MGAT4A: variants seen among roughly 807,000 people sequenced by gnomAD.
MGAT4A encodes the protein N-acetylglucosaminyltransferase IVa.
A neutral mutation model predicts 74.1 loss-of-function variants in MGAT4A; 33 were observed. That is an observed-to-expected ratio of 0.45 (90% CI 0.34 to 0.60). The LOEUF (loss-of-function observed/expected upper bound fraction) is 0.60, where lower values mean the gene tolerates loss of function less well. Among genes scored for constraint, MGAT4A ranks in the 20% least tolerant of loss-of-function variants. MGAT4A has a pLI of 0.02. For synonymous variants in MGAT4A, 198 were observed against 210.4 expected, an observed-to-expected ratio of 0.94 and a Z score of 0.51; for missense variants, 479 against 628.3, an observed-to-expected ratio of 0.76 and a Z score of 2.54.
chr2:98,680,218 A>G (rs1406591907), intron 2 of MGAT4A, among the ~76,000 whole-genome samples: 1 of 151,624 alleles, frequency 6.6e-6, no homozygotes. Context: ...TACTTTTCGT[A>G]TTTTCAGTAG....
chr2:98,717,137 T>G (rs1242452292), intron 2 of MGAT4A, among the ~76,000 whole-genome samples: 1 of 152,056 alleles, frequency 6.6e-6, no homozygotes, highest in Non-Finnish European at 1.5e-5. Context: ...CCCAGCACTT[T>G]GGGAAGCCGA....
intron 5 of MGAT4A, among the ~76,000 whole-genome samples, chr2:98,660,448 ACACACACAC>A (rs1195127075): frequency 1.6e-5 from 2 of 121,614 alleles, no homozygotes; most frequent in African/African-American, 6.6e-5. Flanking sequence ...ACACACACAC[ACACACACAC>A]AACAAATAGC....
chr2:98,652,196 A>T (rs897124502), intron 8 of MGAT4A, among the ~76,000 whole-genome samples: 1 of 152,180 alleles, frequency 6.6e-6, no homozygotes, highest in Non-Finnish European at 1.5e-5. Flanking sequence ...CTTAAACAAC[A>T]CTATAATCAA....
chr2:98,678,370 C>G lies in MGAT4A; in HGVS notation c.196G>C (p.Val66Leu), dbSNP rs775804663. Residue 66 changes from valine (V) to leucine (L), a missense_variant, in exon 3 of 16, where the codon GTG becomes CTG. Physicochemically the swap from Val to Leu is conservative, Grantham distance 32 (BLOSUM62 1). Around this residue, in one of 3 missense-constraint regions of MGAT4A, gnomAD observed 205 missense variants for 232.7 expected, o/e 0.88. Coordinates refer to ENST00000393487, the MANE Select transcript of MGAT4A (RefSeq NM_012214.3). ...SQRSSELNTI[V>L]QQFKRVGAET... ...GCTCCTACACGCTTGAACTGTTGCACAATCGTATTTAATTCAGAAGAGCGC... is the reference window on the plus strand; with the variant it reads ...GCTCCTACACGCTTGAACTGTTGCAGAATCGTATTTAATTCAGAAGAGCGC... 1 of 1,576,694 alleles carries G rather than the reference C, an allele frequency of 6.3e-7. No individual in the cohort carries two copies. Among genetic ancestry groups the G allele is most frequent in the Non-Finnish European group, 8.7e-7 (1 of 1,155,916 alleles).
In MGAT4A at chr2:98,634,488, A is replaced by G. The variant is rs1701288509; in HGVS notation, c.1468+734T>C. Among the ~76,000 whole-genome samples, 3 of 151,762 alleles carry G rather than the reference A, an allele frequency of 2.0e-5. No individual in the cohort carries two copies. The South Asian group carries it at 6.3e-4, about 32-fold the overall frequency. ...TGTGAAGGTGGGTGGGAGCTAAGGG[A>G]TCAGATAACAAAAAGGCCTCAGGGT... On this transcript the variant is annotated intron_variant, in intron 14 of 15. Transcript: ENST00000393487.
intron 2 of MGAT4A, 134 bp downstream of exon 2, chr2:98,726,105 T>C (rs1702759350): frequency 1.7e-6 from 1 of 584,224 alleles, no homozygotes; most frequent in South Asian, 2.6e-5. Context: ...TTCATTTTTA[T>C]ATCAGAAAGA....
At chr2:98,729,549 A>C (rs951843955) in intron 1 of MGAT4A, among the ~76,000 whole-genome samples, 1 of 152,246 alleles carries the variant, frequency 6.6e-6, no homozygotes, top group African/African-American at 2.4e-5. Flanking sequence ...CAACAAAAAA[A>C]GGTAGTGGCT....
At position 98,624,544 on chromosome 2, in the gene MGAT4A, T is replaced by A. The variant is rs1701115610; in HGVS notation, c.*1022A>T. 3.1e-6 allele frequency: 3 copies of A among 978,930 alleles called. No individual in the cohort carries two copies. The highest frequency in any genetic ancestry group is 3.5e-5 in the African/African-American group (2 of 57,066). 60.6% of individuals were successfully genotyped at this position (978,930 alleles called of 1,614,324 possible). A position where few individuals can be genotyped will look rare whatever the true frequency, so the allele number is the denominator to read the frequency against. ...AACAATATTACAATTTTCTTTAAAA[T>A]TATACCAATTATGACTCATACAATA... On this transcript the variant is annotated 3_prime_UTR_variant, in exon 16 of 16. Transcript: ENST00000393487.
At chr2:98,646,354 G>A (rs563665939) in intron 8 of MGAT4A, among the ~76,000 whole-genome samples, 2 of 151,998 alleles carry the variant, frequency 1.3e-5, no homozygotes, top group South Asian at 2.1e-4. Context: ...CTCAATGATC[G>A]ATTCCAGATC....
intron 5 of MGAT4A, among the ~76,000 whole-genome samples, chr2:98,662,250 A>G (rs1701763192): frequency 6.6e-6 from 1 of 152,250 alleles, no homozygotes; most frequent in Non-Finnish European, 1.5e-5. Flanking sequence ...TACCCTCTAT[A>G]ATTTCTGCAA....
At chr2:98,702,221 C>T (rs571901568) in intron 2 of MGAT4A, among the ~76,000 whole-genome samples, 8 of 152,320 alleles carry the variant, frequency 5.3e-5, no homozygotes, top group African/African-American at 1.7e-4. Context: ...GTTTAACAGG[C>T]GTGGGGCAGG....
chr2:98,658,798 G>C (rs1017089250), intron 5 of MGAT4A, among the ~76,000 whole-genome samples: 1 of 152,138 alleles, frequency 6.6e-6, no homozygotes, highest in Non-Finnish European at 1.5e-5. Context: ...CTGACACTGA[G>C]AACTGAATCA....
intron 2 of MGAT4A, among the ~76,000 whole-genome samples, chr2:98,686,466 CCT>C (rs1184549251): frequency 6.6e-6 from 1 of 152,006 alleles, no homozygotes; most frequent in African/African-American, 2.4e-5. Context: ...AAATCTATCC[CCT>C]GACCTAATAA....
At chr2:98,660,418 G>GCACACACACACACACA (rs534943882) in intron 5 of MGAT4A, among the ~76,000 whole-genome samples, 7 of 141,642 alleles carry the variant, frequency 4.9e-5, no homozygotes, top group Non-Finnish European at 1.1e-4. Context: ...ACACGCACGC[G>GCACACACACACACACA]CACACACACA....
chr2:98,645,659 TA>T, intron 8 of MGAT4A, 117 bp from the exon 9 acceptor site: 1 of 744,020 alleles, frequency 1.3e-6, no homozygotes, highest in Non-Finnish European at 1.9e-6. Context: ...AAGACAATGG[TA>T]AAAACAATAA....
intron 14 of MGAT4A, among the ~76,000 whole-genome samples, 164 bp from the exon 15 acceptor site, chr2:98,625,999 T>C (rs1430161042): frequency 6.6e-6 from 1 of 152,212 alleles, no homozygotes; most frequent in Admixed American, 6.5e-5. Context: ...CATTCAGCTT[T>C]TATATTTTTC....
At chr2:98,640,912 C>T (rs1190256263) in intron 10 of MGAT4A, among the ~76,000 whole-genome samples, 1 of 152,012 alleles carries the variant, frequency 6.6e-6, no homozygotes, top group East Asian at 1.9e-4. Flanking sequence ...AATGAATTTG[C>T]AAATTATAAA....
At chr2:98,695,685 G>A (rs1292700444) in intron 2 of MGAT4A, among the ~76,000 whole-genome samples, 8 of 152,218 alleles carry the variant, frequency 5.3e-5, no homozygotes, top group South Asian at 4.1e-4. Flanking sequence ...TTCCTGGTGT[G>A]CAGTTACTGC....
chr2:98,657,662 A>G (rs1701678749), intron 6 of MGAT4A, among the ~76,000 whole-genome samples: 1 of 152,236 alleles, frequency 6.6e-6, no homozygotes. Flanking sequence ...AATTTAATGA[A>G]GAAATTCATA....
Sources: allele counts gnomAD v4.1 joint callset (sites outside exome capture counted in the v4.1 genomes callset), GRCh38; gene constraint gnomAD v4.1.1; regional missense constraint gnomAD v4.1.1; transcripts MANE v1.5; gene names NCBI Gene and HGNC (gene_info 2026-07-23, HGNC 2026-07-21).